The following CD163L1 variants were observed in gnomAD, a reference collection of about 807,000 sequenced individuals.
CD163L1 encodes the protein CD163 molecule like 1.
In CD163L1, 124 loss-of-function variants were observed where a neutral mutation model predicts 165.4. The ratio of observed to expected loss-of-function variants is 0.75; its 90% CI spans 0.65 to 0.87. The LOEUF is 0.87. Ranked by LOEUF, CD163L1 falls within the 40% of genes least tolerant of loss-of-function variation. CD163L1 has a pLI of 0.00. For missense variants in CD163L1, 1,525 were observed against 1,799.9 expected (o/e 0.85, Z 2.76); for synonymous variants, 585 against 662.2 (o/e 0.88, Z 1.79).
intron 18 of CD163L1, among the ~76,000 whole-genome samples, chr12:7,360,862 T>C (rs1946876154): frequency 6.6e-6 from 1 of 152,146 alleles, no homozygotes; most frequent in Non-Finnish European, 1.5e-5. Flanking sequence ...TAATTTTGGT[T>C]CGTATGTTGG....
intron 4 of CD163L1, among the ~76,000 whole-genome samples, chr12:7,421,588 CATATACAT>C (rs1565810664): frequency 3.3e-5 from 3 of 91,602 alleles, no homozygotes; most frequent in Non-Finnish European, 6.3e-5. Flanking sequence ...TACATATATA[CATATACAT>C]ATATGTACAC....
At chr12:7,403,953 C>CTAAT in intron 5 of CD163L1, 98 bp from the exon 6 acceptor site, 2 of 800,432 alleles carry the variant, frequency 2.5e-6, no homozygotes, top group Non-Finnish European at 3.8e-6. Context: ...TTAGATGTAT[C>CTAAT]CTTCACATAC....
rs1486654596 is a variant in CD163L1 at position 7,421,086 on chromosome 12, C to T, written c.766+11330G>A. On this transcript the variant is annotated intron_variant, in intron 4 of 19. Transcript: ENST00000313599. ...ATATGTATATATACGTATATATATACGTATATATATGTATATATACATTTG... is the reference window on the plus strand; with the variant it reads ...ATATGTATATATACGTATATATATATGTATATATATGTATATATACATTTG... Among the ~76,000 whole-genome samples, 13 of 94,134 alleles carry T rather than the reference C, an allele frequency of 1.4e-4. No individual in the cohort carries two copies. In the South Asian group the frequency reaches 2.2e-3, roughly 16 times the overall value. The allele number at this position is 94,134 out of a possible 152,430, so 61.8% of individuals were successfully genotyped here. A position where few individuals can be genotyped will look rare whatever the true frequency, so the allele number is the denominator to read the frequency against.
At chr12:7,346,468 C>T (rs1164956162), downstream of CD163L1, among the ~76,000 whole-genome samples, 1 of 151,942 alleles carries the variant, frequency 6.6e-6, no homozygotes, top group Non-Finnish European at 1.5e-5. Flanking sequence ...AGTATAATTT[C>T]TTTTACTCTT....
chr12:7,321,873 T>G, the CD163L1 span, among the ~76,000 whole-genome samples: 2 of 152,188 alleles, frequency 1.3e-5, no homozygotes, highest in African/African-American at 4.8e-5. Flanking sequence ...TGGTGAGAAT[T>G]TAATGTAAGT....
rs200380158 is a variant in CD163L1 at position 7,379,218 on chromosome 12, C to T, written c.2131G>A (p.Val711Met). ...CAGCCATTAGCACACAGAATTCCCA[C>T]GGCACCCTGGACATTCACCTCAACT... ...GKVEVNVQGA[V>M]GILCANGWGM... is the part of the protein sequence containing the mutation. Residue 711 changes from valine (V) to methionine (M), a missense_variant, in exon 9 of 20, where the codon GTG (valine) becomes ATG (methionine). Val to Met is a conservative substitution (Grantham distance 21). Coordinates refer to ENST00000313599, the MANE Select transcript of CD163L1 (RefSeq NM_174941.6). 1.1e-4 allele frequency: 180 copies of T among 1,614,208 alleles called. No individual in the cohort carries two copies. Among genetic ancestry groups the T allele is most frequent in the Admixed American group, 6.7e-4 (40 of 60,012 alleles).
chr12:7,396,398 G>A lies in CD163L1; in HGVS notation c.1747C>T (p.Leu583=), dbSNP rs1947775918. The change falls in exon 8 of 20, where the codon CTG becomes TTG. Residue 583 remains leucine (L), a synonymous_variant. Transcript: ENST00000313599. ...VTCSGDATWG[L]RLVGGSNRCS... is the part of the protein sequence containing the mutation. ...CGGTTGCTGCCGCCCACCAGCCTCA[G>A]GCCCCATGTTGCATCACCTGCACCA... 6.2e-7 allele frequency: 1 copy of A among 1,607,474 alleles called. No individual in the cohort carries two copies. The highest frequency in any genetic ancestry group is 1.3e-5 in the African/African-American group (1 of 74,844).
At chr12:7,371,572 G>A (rs1947146751) in intron 14 of CD163L1, among the ~76,000 whole-genome samples, 1 of 151,928 alleles carries the variant, frequency 6.6e-6, no homozygotes, top group Non-Finnish European at 1.5e-5. Context: ...TAAAACTTAA[G>A]ATAGTTGAAA....
intron 2 of CD163L1, among the ~76,000 whole-genome samples, chr12:7,436,765 T>C (rs945660571): frequency 8.5e-5 from 13 of 152,174 alleles, no homozygotes; most frequent in Admixed American, 2.0e-4. Flanking sequence ...ATGAAAAATA[T>C]AGAAAATAAT....
intron 2 of CD163L1, among the ~76,000 whole-genome samples, chr12:7,440,536 T>A (rs1401537891): frequency 1.3e-5 from 2 of 152,028 alleles, no homozygotes; most frequent in Non-Finnish European, 2.9e-5. Flanking sequence ...ATCTTGTAAG[T>A]TTTTATTAAC....
intron 4 of CD163L1, among the ~76,000 whole-genome samples, chr12:7,421,446 CATATAT>C (rs1474136492): frequency 1.0e-5 from 1 of 100,212 alleles, no homozygotes; most frequent in Non-Finnish European, 1.9e-5. Context: ...TATACATATA[CATATAT>C]GTACATATAT....
chr12:7,324,874 A>T, the CD163L1 span, among the ~76,000 whole-genome samples: 335 of 151,876 alleles, frequency 2.2e-3, 2 homozygotes, highest in African/African-American at 7.5e-3. Flanking sequence ...AGTGACAAGT[A>T]CTTAAGTACA....
chr12:7,375,948 G>C lies in CD163L1; in HGVS notation c.2438C>G (p.Ala813Gly), dbSNP rs1275780421. ...PCSGRVEVKH[A>G]DTWRSVCDSD... is the part of the protein sequence containing the mutation. ...ATCACAGACAGAGCGCCATGTGTCT[G>C]CATGTTTCACTTCAACACGTCCAGA... is the stretch of plus-strand genomic sequence containing the variant. Residue 813 changes from alanine to glycine, a missense_variant, in exon 10 of 20, where the codon GCA becomes GGA. By Grantham distance (60) the Ala-to-Gly change is moderately conservative (BLOSUM62 0). Coordinates refer to ENST00000313599, the MANE Select transcript of CD163L1 (RefSeq NM_174941.6). 1.2e-6 allele frequency: 2 copies of C among 1,614,108 alleles called. No homozygotes were observed. The highest frequency in any genetic ancestry group is 2.7e-5 in the African/African-American group (2 of 74,938).
At chr12:7,421,134 T>C (rs1308758915) in intron 4 of CD163L1, among the ~76,000 whole-genome samples, 1 of 3,406 alleles carries the variant, frequency 2.9e-4, no homozygotes, top group Non-Finnish European at 2.7e-3. Flanking sequence ...TATATACGTA[T>C]ATATGTATAT....
chr12:7,396,409 G>A lies in CD163L1; in HGVS notation c.1736C>T (p.Ala579Val). Residue 579 changes from alanine to valine, a missense_variant, in exon 8 of 20, where the codon GCA (alanine) becomes GTA (valine). Physicochemically the swap from Ala to Val is moderately conservative, Grantham distance 64. Transcript: ENST00000313599. ...EDVIVTCSGD[A>V]TWGLRLVGGS... ...GCCCACCAGCCTCAGGCCCCATGTT[G>A]CATCACCTGCACCAAGAACAATGAA... The A allele has an allele frequency of 6.2e-7, 1 of 1,602,902 alleles. No individual in the cohort carries two copies. Among genetic ancestry groups the A allele is most frequent in the African/African-American group, 1.3e-5 (1 of 74,872 alleles).
chr12:7,430,057 T>C (rs1948604100), intron 4 of CD163L1, among the ~76,000 whole-genome samples: 1 of 152,140 alleles, frequency 6.6e-6, no homozygotes, highest in Admixed American at 6.5e-5. Context: ...GTTTCTCCTT[T>C]TGAAATACTG....
chr12:7,415,756 T>C (rs767867738), intron 4 of CD163L1, among the ~76,000 whole-genome samples: 2 of 152,294 alleles, frequency 1.3e-5, no homozygotes, highest in Admixed American at 1.3e-4. Context: ...GGACATAAAC[T>C]CACCCGTTTT....
chr12:7,396,233 C>T lies in CD163L1; in HGVS notation c.1912G>A (p.Ala638Thr), dbSNP rs1201554348. 9.9e-6 allele frequency: 16 copies of T among 1,614,054 alleles called. No individual in the cohort carries two copies. The highest frequency in any genetic ancestry group is 2.2e-5 in the South Asian group (2 of 91,084). ...CAAATTTTTCCATATCCTGTAGAAG[C>T]GTTTCCCAGACCCATGCCAATGATA... is the stretch of plus-strand genomic sequence containing the variant. ...SSIIGMGLGNASTGYGKIWLD... is the reference protein window; with the variant it reads ...SSIIGMGLGNTSTGYGKIWLD... The change falls in exon 8 of 20, where the codon GCT (alanine) becomes ACT (threonine). Residue 638 changes from alanine (A) to threonine (T), a missense_variant. Physicochemically the swap from Ala to Thr is moderately conservative, Grantham distance 58. Transcript: ENST00000313599.
At chr12:7,390,209 C>A (rs1042605176) in intron 8 of CD163L1, among the ~76,000 whole-genome samples, 2 of 151,138 alleles carry the variant, frequency 1.3e-5, no homozygotes, top group South Asian at 4.2e-4. Flanking sequence ...GTGTGGTGGG[C>A]GGACAGGATG....
Sources: allele counts gnomAD v4.1 joint callset (sites outside exome capture counted in the v4.1 genomes callset), GRCh38; gene constraint gnomAD v4.1.1; transcripts MANE v1.5; gene names NCBI Gene and HGNC (gene_info 2026-07-23, HGNC 2026-07-21).